DST: variants seen among roughly 807,000 people sequenced by gnomAD.
DST encodes dystonin.
In DST, 253 loss-of-function variants were observed where a neutral mutation model predicts 875.2. The ratio of observed to expected loss-of-function variants is 0.29; its 90% CI spans 0.26 to 0.32. DST has a LOEUF of 0.32. Ranked by LOEUF, DST falls within the 10% of genes least tolerant of loss-of-function variation. The probability of loss-of-function intolerance (pLI) is 1.00; values close to 1 mark genes in which losing one functional copy is unlikely to be tolerated. For missense variants in DST, 8,287 were observed against 9,111.6 expected, an observed-to-expected ratio of 0.91 and a Z score of 3.68; for synonymous variants, 3,124 against 3,197.1, an observed-to-expected ratio of 0.98 and a Z score of 0.77.
At position 56,952,749 on chromosome 6, in the gene DST, G is replaced by A. The variant is rs116132842; in HGVS notation, c.216+1036C>T. On this transcript the variant is annotated intron_variant, in intron 2 of 103. Transcript: ENST00000680361. Reference sequence around the variant, plus strand: ...TTACAGATGGGTAAATCGAGGCACCGAGATGTATCACACAGCTAGTTAATG... The same window carrying A: ...TTACAGATGGGTAAATCGAGGCACCAAGATGTATCACACAGCTAGTTAATG... 5.3e-3 allele frequency among the ~76,000 whole-genome samples: 807 copies of A among 152,044 alleles called. 3 individuals are homozygous for A. The highest frequency in any genetic ancestry group is 9.0e-3 in the Non-Finnish European group (613 of 67,982).
Position 56,594,036 on chromosome 6 carries a change from G to T in DST, c.12353C>A (p.Ala4118Glu). 1 of 1,613,732 alleles carries T rather than the reference G, an allele frequency of 6.2e-7. No individual in the cohort carries two copies. Among genetic ancestry groups the T allele is most frequent in the East Asian group, 2.2e-5 (1 of 44,858 alleles). The change falls in exon 48 of 104, where the codon GCA (alanine) becomes GAA (glutamate). Residue 4118 changes from alanine to glutamate, a missense_variant. By Grantham distance (107) the Ala-to-Glu change is moderately radical. This residue lies in a region of DST where 1,513 missense variants were observed against 1,677.8 expected (regional missense o/e 0.90). Coordinates refer to ENST00000680361, the MANE Select transcript of DST (RefSeq NM_001374736.1). ...CATTTTCTTCTCTGACTCAGCCAGTGCAGTTTCATAATGCACTTTCAGTTC... is the reference window on the plus strand; with the variant it reads ...CATTTTCTTCTCTGACTCAGCCAGTTCAGTTTCATAATGCACTTTCAGTTC... The part of the protein sequence containing the change: ...MKELKVHYET[A>E]LAESEKKMKL...
chr6:56,812,109 A>AAAAGAAAAGAAAAGAAAAG (rs1554158456), intron 4 of DST, among the ~76,000 whole-genome samples: 3 of 111,802 alleles, frequency 2.7e-5, no homozygotes, highest in African/African-American at 3.3e-5. Flanking sequence ...CTCAAAAAAA[A>AAAAGAAAAGAAAAGAAAAG]AAAAGAAAAG....
chr6:56,542,690 A>AGAACTCCGGAAGG (rs2097152310), intron 61 of DST: 1 of 152,728 alleles, frequency 6.5e-6, no homozygotes, highest in South Asian at 2.1e-4. Context: ...GGCAGCAGAA[A>AGAACTCCGGAAGG]GAACTCCGGA....
intron 78 of DST, among the ~76,000 whole-genome samples, chr6:56,501,956 A>G (rs755270740): frequency 2.0e-5 from 3 of 152,134 alleles, no homozygotes; most frequent in Admixed American, 6.6e-5. Context: ...TGTTCTCTAC[A>G]ATAAAAAAAT....
chr6:56,871,933 TC>T (rs1302460783), intron 3 of DST, among the ~76,000 whole-genome samples: 4 of 152,298 alleles, frequency 2.6e-5, no homozygotes, highest in Non-Finnish European at 5.9e-5. Flanking sequence ...AGAACGTGGC[TC>T]CTCATGCTCG....
intron 9 of DST, among the ~76,000 whole-genome samples, chr6:56,688,660 G>A (rs1474735487): frequency 6.6e-6 from 1 of 152,132 alleles, no homozygotes; most frequent in Admixed American, 6.5e-5. Context: ...ACTTAATAGA[G>A]TCACCACATG....
intron 4 of DST, among the ~76,000 whole-genome samples, chr6:56,753,662 T>C (rs576368549): frequency 2.0e-5 from 3 of 152,230 alleles, no homozygotes; most frequent in African/African-American, 7.2e-5. Context: ...ATCAGAGGCA[T>C]CCTTCTGGCT....
chr6:56,774,331 T>C (rs983352152), intron 4 of DST, among the ~76,000 whole-genome samples: 27 of 152,048 alleles, frequency 1.8e-4, no homozygotes, highest in African/African-American at 6.5e-4. Context: ...TCTAAAAAAG[T>C]CATTTCCCAC....
chr6:56,704,876 A>G (rs1409282941), intron 5 of DST, among the ~76,000 whole-genome samples: 1 of 152,234 alleles, frequency 6.6e-6, no homozygotes, highest in Non-Finnish European at 1.5e-5. Context: ...GCCTATAATT[A>G]TTTCAAAAAA....
At position 56,675,575 on chromosome 6, in the gene DST, C is replaced by T. The variant is rs184629936; in HGVS notation, c.1048-4768G>A. On this transcript the variant is annotated intron_variant, in intron 9 of 103. Transcript: ENST00000680361. The stretch of plus-strand genomic sequence containing the variant: ...GTAATAAGAAAACAAAAAACTTGGC[C>T]GGATGTGGTGGCTCACGCCTGTAAT... Among the ~76,000 whole-genome samples, 10 of 152,236 alleles carry T rather than the reference C, an allele frequency of 6.6e-5. No individual in the cohort carries two copies. In the East Asian group the frequency reaches 7.7e-4, roughly 12 times the overall value.
chr6:56,529,317 A>G (rs974598279), intron 66 of DST, 131 bp downstream of exon 66: 5 of 768,824 alleles, frequency 6.5e-6, no homozygotes, highest in Non-Finnish European at 9.7e-6. Context: ...AGTAATCTGT[A>G]TAAACAGTCT....
At chr6:56,533,886 C>T (rs2096943284) in intron 63 of DST, among the ~76,000 whole-genome samples, 1 of 151,452 alleles carries the variant, frequency 6.6e-6, no homozygotes. Context: ...AGCAGTAAGT[C>T]TTAAATACAA....
intron 36 of DST, among the ~76,000 whole-genome samples, chr6:56,622,485 G>A (rs2098699093): frequency 7.0e-6 from 1 of 143,244 alleles, no homozygotes; most frequent in Non-Finnish European, 1.5e-5. Context: ...CTGAGGCAGT[G>A]AATTACTTGA....
chr6:56,736,019 C>T (rs1187571617), intron 4 of DST, among the ~76,000 whole-genome samples: 1 of 150,314 alleles, frequency 6.7e-6, no homozygotes, highest in African/African-American at 2.5e-5. Flanking sequence ...CCACCATACC[C>T]AGCTAATTTT....
intron 4 of DST, among the ~76,000 whole-genome samples, chr6:56,798,876 T>G (rs1160664660): frequency 6.6e-6 from 1 of 152,112 alleles, no homozygotes; most frequent in African/African-American, 2.4e-5. Context: ...TGGATGACTT[T>G]GAAGGGTTGA....
In DST at chr6:56,472,072, T is replaced by C; in HGVS notation, c.22145A>G (p.Asp7382Gly). 1.2e-6 allele frequency: 2 copies of C among 1,613,948 alleles called. No homozygotes were observed. Among genetic ancestry groups the C allele is most frequent in the Non-Finnish European group, 1.7e-6 (2 of 1,179,826 alleles). ...GAATTTCCAAACCTCCTCTAGTCTG[T>C]CCAAGGCATCATTGAGTTTCCTCCT... ...ERRRKLNDAL[D>G]RLEELREFAN... is the part of the protein sequence containing the mutation. The change falls in exon 94 of 104, where the codon GAC becomes GGC. Residue 7382 changes from aspartate to glycine, a missense_variant. Physicochemically the swap from Asp to Gly is moderately conservative, Grantham distance 94 (BLOSUM62 -1). This residue lies in a region of DST where 1,292 missense variants were observed against 1,552.7 expected (regional missense o/e 0.83). Transcript: ENST00000680361.
chr6:56,653,693 C>A (rs1387766703), intron 10 of DST, among the ~76,000 whole-genome samples: 1 of 151,892 alleles, frequency 6.6e-6, no homozygotes, highest in African/African-American at 2.4e-5. Flanking sequence ...CTCAAAAAAA[C>A]ACAAAAAACC....
chr6:56,700,137 T>C (rs947507511), intron 8 of DST, among the ~76,000 whole-genome samples: 6 of 152,206 alleles, frequency 3.9e-5, no homozygotes, highest in South Asian at 2.1e-4. Flanking sequence ...TTGTGAACTG[T>C]GCATTTGAGG....
intron 49 of DST, among the ~76,000 whole-genome samples, chr6:56,582,354 C>T (rs1387213853): frequency 2.0e-5 from 3 of 152,112 alleles, no homozygotes; most frequent in Non-Finnish European, 4.4e-5. Flanking sequence ...CTAGCAAGAT[C>T]TGGTCATTTA....
Sources: allele counts gnomAD v4.1 joint callset (sites outside exome capture counted in the v4.1 genomes callset), GRCh38; gene constraint gnomAD v4.1.1; regional missense constraint gnomAD v4.1.1; transcripts MANE v1.5; gene names NCBI Gene and HGNC (gene_info 2026-07-23, HGNC 2026-07-21).